SUSD1: variants seen among roughly 807,000 people sequenced by gnomAD.
SUSD1 encodes sushi domain-containing protein 1.
A neutral mutation model predicts 86.9 loss-of-function variants in SUSD1; 65 were observed. The observed-to-expected ratio is 0.75, with a 90% CI of 0.61 to 0.92. The LOEUF is 0.92. Ranked by LOEUF, SUSD1 falls within the 40% of genes least tolerant of loss-of-function variation. The pLI is 0.00. For synonymous variants in SUSD1, 346 were observed against 350.0 expected (o/e 0.99, Z 0.13); for missense variants, 850 against 929.7 (o/e 0.91, Z 1.11).
At chr9:112,068,219 G>C (rs1051491632) in intron 12 of SUSD1, among the ~76,000 whole-genome samples, 1 of 152,176 alleles carries the variant, frequency 6.6e-6, no homozygotes, top group Non-Finnish European at 1.5e-5. Flanking sequence ...ACTGAAGGCA[G>C]GGAGCTGAGC....
intron 1 of SUSD1, among the ~76,000 whole-genome samples, chr9:112,170,656 TGACA>T (rs1239555467): frequency 9.5e-5 from 14 of 146,890 alleles, no homozygotes; most frequent in Non-Finnish European, 3.0e-5. Flanking sequence ...ATGTTGCCAG[TGACA>T]GACTGAATAT....
intron 5 of SUSD1, among the ~76,000 whole-genome samples, chr9:112,138,268 T>TATATATATATATATGTGTATATAC (rs1564329080): frequency 4.0e-4 from 30 of 74,628 alleles, no homozygotes; most frequent in African/African-American, 1.4e-3. Flanking sequence ...TGTATATACA[T>TATATATATATATATGTGTATATAC]ATATATATAT....
At chr9:112,103,202 A>T (rs1830700466) in intron 8 of SUSD1, 1 of 450,846 alleles carries the variant, frequency 2.2e-6, no homozygotes, top group Non-Finnish European at 4.5e-6. Context: ...TTTAGTCAAG[A>T]TCAGAATTGT....
At chr9:112,105,860 C>T (rs1024689196) in intron 8 of SUSD1, among the ~76,000 whole-genome samples, 49 of 152,180 alleles carry the variant, frequency 3.2e-4, no homozygotes, top group African/African-American at 1.1e-3. Flanking sequence ...TAAAAAACAT[C>T]AGACACATAA....
intron 12 of SUSD1, among the ~76,000 whole-genome samples, chr9:112,071,073 C>T (rs771743496): frequency 1.3e-5 from 2 of 152,162 alleles, no homozygotes; most frequent in African/African-American, 2.4e-5. Context: ...CAGCTTTGAA[C>T]TCCTGGACTC....
At chr9:112,076,559 G>C (rs139497419) in intron 12 of SUSD1, among the ~76,000 whole-genome samples, 4 of 152,210 alleles carry the variant, frequency 2.6e-5, no homozygotes, top group Admixed American at 6.6e-5. Flanking sequence ...TTTGATTTGC[G>C]TATTAGATGT....
intron 12 of SUSD1, among the ~76,000 whole-genome samples, chr9:112,073,651 C>T (rs978838000): frequency 1.3e-5 from 2 of 152,046 alleles, no homozygotes; most frequent in African/African-American, 4.8e-5. Context: ...CTTTGAGAGG[C>T]TAAGGGCAGG....
chr9:112,101,379 T>A (rs1830630255), intron 9 of SUSD1, among the ~76,000 whole-genome samples: 1 of 151,332 alleles, frequency 6.6e-6, no homozygotes, highest in South Asian at 2.1e-4. Context: ...AAAAAAAAAT[T>A]TTTTTAATGT....
chr9:112,063,188 G>A (rs1194625114), intron 12 of SUSD1, among the ~76,000 whole-genome samples, 155 bp from the exon 13 acceptor site: 1 of 152,212 alleles, frequency 6.6e-6, no homozygotes, highest in African/African-American at 2.4e-5. Flanking sequence ...AACATGCTAA[G>A]TGAAATACAC....
intron 5 of SUSD1, among the ~76,000 whole-genome samples, chr9:112,127,124 C>A (rs1831807312): frequency 6.6e-6 from 1 of 152,176 alleles, no homozygotes; most frequent in Non-Finnish European, 1.5e-5. Context: ...GTAATCCCAG[C>A]ACTTTGGGAG....
intron 5 of SUSD1, among the ~76,000 whole-genome samples, chr9:112,139,339 A>G (rs1589711828): frequency 6.6e-6 from 1 of 152,356 alleles, no homozygotes; most frequent in South Asian, 2.1e-4. Context: ...TTTAGCAAAT[A>G]TAATCCAAAT....
intron 1 of SUSD1, among the ~76,000 whole-genome samples, chr9:112,158,387 T>C (rs1404028170): frequency 6.6e-6 from 1 of 152,072 alleles, no homozygotes; most frequent in Admixed American, 6.6e-5. Flanking sequence ...TCTTCCCCAC[T>C]ACTCCATTTT....
chr9:112,041,617 C>T (rs1827740859), intron 16 of SUSD1, 125 bp from the exon 17 acceptor site: 2 of 730,568 alleles, frequency 2.7e-6, no homozygotes, highest in Non-Finnish European at 2.5e-6. Flanking sequence ...AGCATGGAAG[C>T]TCAGCCACCC....
rs1464782873 is a variant in SUSD1 at position 112,164,443 on chromosome 9, A to G, written c.104-6830T>C. On this transcript the variant is annotated intron_variant, in intron 1 of 16. Coordinates refer to ENST00000374270, the MANE Select transcript of SUSD1 (RefSeq NM_022486.5). ...TAAAGTGCATTCAAATCACCTCGGG[A>G]GGCTGAGGCAGGAGGGTTGCTTGAG... Among the ~76,000 whole-genome samples, 5 of 151,968 alleles carry G rather than the reference A, an allele frequency of 3.3e-5. No homozygotes were observed. In the East Asian group the frequency reaches 7.7e-4, roughly 23 times the overall value.
In SUSD1 at chr9:112,134,937, G is replaced by A. The variant is rs187439263; in HGVS notation, c.706+7383C>T. ...CAAAAATTAGCCAGGTGTGAGGCAGGCGCCTGTAATCCCAGCTACTCGGGA... is the reference window on the plus strand; with the variant it reads ...CAAAAATTAGCCAGGTGTGAGGCAGACGCCTGTAATCCCAGCTACTCGGGA... On this transcript the variant is annotated intron_variant, in intron 5 of 16. Transcript: ENST00000374270. Among the ~76,000 whole-genome samples the A allele has an allele frequency of 9.2e-5, 14 of 151,942 alleles. No individual in the cohort carries two copies. The East Asian group carries it at 2.7e-3, about 29-fold the overall frequency.
chr9:112,074,563 A>G (rs1411678068), intron 12 of SUSD1, among the ~76,000 whole-genome samples: 1 of 152,198 alleles, frequency 6.6e-6, no homozygotes, highest in East Asian at 1.9e-4. Flanking sequence ...TGTTCCCATC[A>G]GTAAGATTTA....
intron 9 of SUSD1, 28 bp downstream of exon 9, chr9:112,102,148 T>C: frequency 7.5e-7 from 1 of 1,328,844 alleles, no homozygotes; most frequent in Non-Finnish European, 1.0e-6. Context: ...CACAATTCTT[T>C]AATGGAAAGC....
chr9:112,120,301 C>CCAA (rs529016642), intron 6 of SUSD1, among the ~76,000 whole-genome samples: 1 of 151,896 alleles, frequency 6.6e-6, no homozygotes, highest in South Asian at 2.1e-4. Flanking sequence ...GACTCCATCT[C>CCAA]CAACAACAAC....
intron 6 of SUSD1, among the ~76,000 whole-genome samples, chr9:112,117,102 T>G (rs564346743): frequency 1.3e-5 from 2 of 152,334 alleles, no homozygotes; most frequent in African/African-American, 4.8e-5. Context: ...ATCGTGCCAC[T>G]GCACTCCAGC....
Sources: gnomAD v4.1 joint callset for allele counts (sites outside exome capture counted in the v4.1 genomes callset) on GRCh38, gnomAD v4.1.1 for gene constraint, MANE v1.5 for transcripts, NCBI Gene and HGNC (gene_info 2026-07-23, HGNC 2026-07-21) for gene names.